NCOA6: variants seen among roughly 807,000 people sequenced by gnomAD.
NCOA6 encodes the protein NRC RAP250.
NCOA6 carries 49 observed loss-of-function variants against 171.4 expected under a neutral mutation model. The observed-to-expected ratio is 0.29, with a 90% CI of 0.23 to 0.36. The LOEUF (loss-of-function observed/expected upper bound fraction) is 0.36. NCOA6 is among the 10% of genes least tolerant of loss of function. NCOA6 has a pLI of 1.00. For missense variants in NCOA6, 2,248 were observed against 2,554.5 expected, an observed-to-expected ratio of 0.88 and a Z score of 2.59; for synonymous variants, 910 against 927.5, an observed-to-expected ratio of 0.98 and a Z score of 0.34.
intron 13 of NCOA6, among the ~76,000 whole-genome samples, chr20:34,729,038 C>T (rs1474121314): frequency 6.6e-6 from 1 of 152,136 alleles, no homozygotes; most frequent in Non-Finnish European, 1.5e-5. Flanking sequence ...GCAAACTCTG[C>T]CTCCTGTGTT....
intron 14 of NCOA6, among the ~76,000 whole-genome samples, chr20:34,719,351 C>T (rs1013678355): frequency 6.6e-6 from 1 of 152,012 alleles, no homozygotes. Flanking sequence ...TGGAAATCGG[C>T]GAGATGCGGT....
At chr20:34,788,456 A>G (rs1255044409) in intron 2 of NCOA6, among the ~76,000 whole-genome samples, 2 of 152,180 alleles carry the variant, frequency 1.3e-5, no homozygotes, top group East Asian at 3.9e-4. Flanking sequence ...GGTCATTGCC[A>G]CGGAGAGGGG....
chr20:34,738,949 G>A, intron 11 of NCOA6: 1 of 456,056 alleles, frequency 2.2e-6, no homozygotes, highest in Non-Finnish European at 4.4e-6. Context: ...AAATAAGATA[G>A]GCACTTAATT....
rs765992566 is a variant in NCOA6, at chr20:34,741,809, C to A, written c.4447G>T (p.Ala1483Ser). 1.2e-6 allele frequency: 2 copies of A among 1,614,162 alleles called. No homozygotes were observed. The highest frequency in any genetic ancestry group is 1.1e-5 in the South Asian group (1 of 91,078). The change falls in exon 11 of 15, where the codon GCT becomes TCT. Residue 1483 changes from alanine to serine, a missense_variant. Physicochemically the swap from Ala to Ser is moderately conservative, Grantham distance 99. Coordinates refer to ENST00000359003, the MANE Select transcript of NCOA6 (RefSeq NM_014071.5). ...VEENKNLVSP[A>S]MREAPTSLSQ... ...AACGATGTTGGTGCTTCCCTCATAGCAGGAGACACCAAATTTTTGTTCTCT... is the reference window on the plus strand; with the variant it reads ...AACGATGTTGGTGCTTCCCTCATAGAAGGAGACACCAAATTTTTGTTCTCT...
In NCOA6 at chr20:34,742,798, T is replaced by C; in HGVS notation, c.3458A>G (p.His1153Arg). ...VPGGPNNMPS[H>R]VVLPQNQLMM... Reference sequence around the variant, plus strand: ...TAACTGATTCTGGGGAAGTACTACATGTGAAGGCATGTTGTTTGGGCCTCC... The same window carrying C: ...TAACTGATTCTGGGGAAGTACTACACGTGAAGGCATGTTGTTTGGGCCTCC... The change falls in exon 11 of 15, where the codon CAT becomes CGT. Residue 1153 changes from histidine (H) to arginine (R), a missense_variant. Transcript: ENST00000359003. 1 of 1,614,170 alleles carries C rather than the reference T, an allele frequency of 6.2e-7. No homozygotes were observed. The highest frequency in any genetic ancestry group is 8.5e-7 in the Non-Finnish European group (1 of 1,180,024).
chr20:34,726,787 A>C (rs527366488), intron 14 of NCOA6, among the ~76,000 whole-genome samples: 1 of 151,360 alleles, frequency 6.6e-6, no homozygotes, highest in Non-Finnish European at 1.5e-5. Flanking sequence ...TCCATCTCAA[A>C]AAAAAAAAAA....
intron 13 of NCOA6, among the ~76,000 whole-genome samples, chr20:34,728,252 T>C (rs1005552241): frequency 5.3e-5 from 8 of 152,158 alleles, no homozygotes; most frequent in Non-Finnish European, 8.8e-5. Flanking sequence ...TAATTCACAA[T>C]ACACTGCTAG....
chr20:34,737,591 C>T (rs182445698), intron 11 of NCOA6, among the ~76,000 whole-genome samples: 42 of 152,282 alleles, frequency 2.8e-4, no homozygotes, highest in Middle Eastern at 6.8e-3. Context: ...ACACAGAGAA[C>T]TTAGGCCCTT....
chr20:34,724,598 C>T (rs1989745078), intron 14 of NCOA6, among the ~76,000 whole-genome samples: 1 of 152,202 alleles, frequency 6.6e-6, no homozygotes, highest in Non-Finnish European at 1.5e-5. Flanking sequence ...ATGATCTGGT[C>T]ACTGCCTCCT....
intron 7 of NCOA6, among the ~76,000 whole-genome samples, chr20:34,756,387 T>A (rs2076641727): frequency 6.6e-6 from 1 of 152,208 alleles, no homozygotes; most frequent in Non-Finnish European, 1.5e-5. Context: ...GCACTAAAGA[T>A]GCAAGGGGTT....
At chr20:34,748,859 C>T (rs917641093) in intron 9 of NCOA6, among the ~76,000 whole-genome samples, 5 of 152,156 alleles carry the variant, frequency 3.3e-5, no homozygotes, top group Non-Finnish European at 5.9e-5. Flanking sequence ...ATTTCCAAAA[C>T]ACATTTGGCC....
chr20:34,731,002 C>T (rs1231396564), intron 13 of NCOA6, among the ~76,000 whole-genome samples: 3 of 151,904 alleles, frequency 2.0e-5, no homozygotes, highest in South Asian at 2.1e-4. Flanking sequence ...CCACTGAGCC[C>T]GGCCGTTCTA....
chr20:34,715,169 G>A lies in NCOA6; in HGVS notation c.*153C>T. The stretch of plus-strand genomic sequence containing the variant: ...GCTCAACAGTCCTGCTTTCCCCATT[G>A]CACTTTATGAAACAGGTTGCAGGGA... On this transcript the variant is annotated 3_prime_UTR_variant, in exon 15 of 15. Coordinates refer to ENST00000359003, the MANE Select transcript of NCOA6 (RefSeq NM_014071.5). The A allele has an allele frequency of 3.3e-6, 3 of 922,032 alleles. No homozygotes were observed. Among genetic ancestry groups the A allele is most frequent in the Non-Finnish European group, 5.0e-6 (3 of 598,176 alleles). 57.1% of individuals were successfully genotyped at this position (922,032 alleles called of 1,614,324 possible).
intron 1 of NCOA6, among the ~76,000 whole-genome samples, chr20:34,802,678 A>G (rs1488654888): frequency 6.6e-6 from 1 of 152,242 alleles, no homozygotes; most frequent in Non-Finnish European, 1.5e-5. Flanking sequence ...ATATTAAAAT[A>G]TATCAGTTCA....
intron 9 of NCOA6, 22 bp from the exon 10 acceptor site, chr20:34,746,950 A>AAG (rs2145656714): frequency 6.7e-7 from 1 of 1,493,898 alleles, no homozygotes; most frequent in East Asian, 2.3e-5. Flanking sequence ...AAAAAAAAAA[A>AAG]AAGTGACATA....
rs2076091452 is a variant in NCOA6 at position 34,740,259 on chromosome 20, G to A, written c.5893+104C>T. On this transcript the variant is annotated intron_variant, in intron 11 of 14. Transcript: ENST00000359003. ...ATAAAACTACTGCTATTGCCATTTA[G>A]CCCATTCTCTTTCCTCCAAGTAAAA... is the stretch of plus-strand genomic sequence containing the variant. The A allele has an allele frequency of 2.4e-5, 34 of 1,397,394 alleles. 1 individual carries two copies. The South Asian group carries it at 4.9e-4, about 20-fold the overall frequency. The allele number at this position is 1,397,394 out of a possible 1,614,324, so 86.6% of individuals were successfully genotyped here. A position where few individuals can be genotyped will look rare whatever the true frequency, so the allele number is the denominator to read the frequency against.
chr20:34,764,871 T>C (rs2076929117), intron 5 of NCOA6, among the ~76,000 whole-genome samples: 7 of 151,830 alleles, frequency 4.6e-5, no homozygotes. Flanking sequence ...CTCAGCACTT[T>C]GTGAGGCCCA....
chr20:34,814,175 G>A (rs914055959), intron 1 of NCOA6, among the ~76,000 whole-genome samples: 19 of 151,688 alleles, frequency 1.3e-4, no homozygotes, highest in African/African-American at 4.6e-4. Context: ...ACAAAATCCC[G>A]TGAAAATACA....
At chr20:34,734,310 C>T (rs1452335261) in intron 12 of NCOA6, among the ~76,000 whole-genome samples, 1 of 151,946 alleles carries the variant, frequency 6.6e-6, no homozygotes, top group Non-Finnish European at 1.5e-5. Flanking sequence ...GTGATCTGCC[C>T]GCCTTGGCCT....
Sources: allele counts gnomAD v4.1 joint callset (sites outside exome capture counted in the v4.1 genomes callset), GRCh38; gene constraint gnomAD v4.1.1; transcripts MANE v1.5; gene names NCBI Gene and HGNC (gene_info 2026-07-23, HGNC 2026-07-21).